Variants in SH3GL2 observed in about 807,000 individuals in gnomAD.
SH3GL2 encodes endophilin-A1.
Under a neutral mutation model 46.0 loss-of-function variants are expected in SH3GL2, and 24 were observed. The ratio of observed to expected loss-of-function variants is 0.52; its 90% CI spans 0.38 to 0.73. The LOEUF (loss-of-function observed/expected upper bound fraction) is 0.73, where lower values mean the gene tolerates loss of function less well. Among genes scored for constraint, SH3GL2 ranks in the 30% least tolerant of loss-of-function variants. SH3GL2 has a pLI of 0.00. For synonymous variants in SH3GL2, 196 were observed against 147.1 expected, an observed-to-expected ratio of 1.33 and a Z score of -2.40; for missense variants, 413 against 424.2, an observed-to-expected ratio of 0.97 and a Z score of 0.23.
intron 3 of SH3GL2, among the ~76,000 whole-genome samples, chr9:17,786,034 C>G (rs111811013): frequency 0.013 from 2,044 of 152,184 alleles, 53 homozygotes; most frequent in African/African-American, 0.047. Context: ...TTGTAAAAAG[C>G]TCTCCATGGA....
rs539816537 is a variant in SH3GL2, at chr9:17,763,922, A to G, written c.187+2413A>G. On this transcript the variant is annotated intron_variant, in intron 3 of 8. Coordinates refer to ENST00000380607, the MANE Select transcript of SH3GL2 (RefSeq NM_003026.5). ...GGTGTGAAGGGTCCTTCCCTTTCAG[A>G]GAGTACCAGAGAAATTCAGAAAGGA... Among the ~76,000 whole-genome samples, 4 of 151,794 alleles carry G rather than the reference A, an allele frequency of 2.6e-5. No individual in the cohort carries two copies. The South Asian group carries it at 8.3e-4, about 31-fold the overall frequency.
chr9:17,780,339 T>C (rs1823766563), intron 3 of SH3GL2, among the ~76,000 whole-genome samples: 1 of 152,156 alleles, frequency 6.6e-6, no homozygotes, highest in Admixed American at 6.5e-5. Context: ...ATCTTTCTAT[T>C]TGTCCTACTT....
chr9:17,693,753 G>T (rs1252668181), intron 1 of SH3GL2, among the ~76,000 whole-genome samples: 1 of 152,180 alleles, frequency 6.6e-6, no homozygotes, highest in African/African-American at 2.4e-5. Context: ...AATCAAGCGA[G>T]CAGTGAACGA....
intron 1 of SH3GL2, among the ~76,000 whole-genome samples, chr9:17,607,900 A>G (rs965064695): frequency 2.0e-5 from 3 of 152,184 alleles, no homozygotes; most frequent in Admixed American, 6.5e-5. Flanking sequence ...AATACTGTTC[A>G]TGTCATGATT....
At chr9:17,678,946 G>A (rs1348384512) in intron 1 of SH3GL2, among the ~76,000 whole-genome samples, 1 of 152,082 alleles carries the variant, frequency 6.6e-6, no homozygotes, top group African/African-American at 2.4e-5. Flanking sequence ...TGTTGTAGAT[G>A]TGTGATATTA....
chr9:17,755,534 T>G (rs1348913641), intron 2 of SH3GL2, among the ~76,000 whole-genome samples: 1 of 152,200 alleles, frequency 6.6e-6, no homozygotes, highest in Non-Finnish European at 1.5e-5. Context: ...ACTCCTGGCC[T>G]TAAGCAATCC....
rs374209702 is a variant in SH3GL2 at position 17,703,803 on chromosome 9, T to A, written c.46-43263T>A. 2.6e-4 allele frequency among the ~76,000 whole-genome samples: 39 copies of A among 152,068 alleles called. No individual in the cohort carries two copies. In the East Asian group the frequency reaches 4.8e-3, roughly 19 times the overall value. On this transcript the variant is annotated intron_variant, in intron 1 of 8. Coordinates refer to ENST00000380607, the MANE Select transcript of SH3GL2 (RefSeq NM_003026.5). ...AAACTAGACATCAAAGGAATATACC[T>A]CAAAATAATAAGAGCCATTTATGAC... is the stretch of plus-strand genomic sequence containing the variant.
At chr9:17,666,626 C>T (rs2117928166) in intron 1 of SH3GL2, among the ~76,000 whole-genome samples, 1 of 151,450 alleles carries the variant, frequency 6.6e-6, no homozygotes, top group East Asian at 1.9e-4. Context: ...GAAGCATTCT[C>T]ATTCATCCTA....
intron 2 of SH3GL2, among the ~76,000 whole-genome samples, chr9:17,752,747 G>T (rs547579314): frequency 6.6e-6 from 1 of 152,128 alleles, no homozygotes; most frequent in African/African-American, 2.4e-5. Context: ...ACACGTGCAC[G>T]TTTGTTACAT....
At chr9:17,723,062 T>C (rs1418809829) in intron 1 of SH3GL2, among the ~76,000 whole-genome samples, 1 of 152,128 alleles carries the variant, frequency 6.6e-6, no homozygotes, top group Non-Finnish European at 1.5e-5. Context: ...TTGTTTTCTG[T>C]GACAGAAAAC....
rs372743977 is a variant in SH3GL2 at position 17,791,337 on chromosome 9, A to G, written c.728+3A>G. On this transcript the variant is annotated splice_donor_region_variant and intron_variant, in intron 7 of 8. Transcript: ENST00000380607. Reference sequence around the variant, plus strand: ...GTCACGGTCAGACTGGAAGAAAGGTATTCTACAGTTCCCTGCATTTCACAT... The same window carrying G: ...GTCACGGTCAGACTGGAAGAAAGGTGTTCTACAGTTCCCTGCATTTCACAT... 5.7e-6 allele frequency: 9 copies of G among 1,568,414 alleles called. No individual in the cohort carries two copies. The highest frequency in any genetic ancestry group is 7.0e-6 in the Non-Finnish European group (8 of 1,138,474).
At chr9:17,735,974 G>A (rs968647363) in intron 1 of SH3GL2, among the ~76,000 whole-genome samples, 5 of 152,066 alleles carry the variant, frequency 3.3e-5, no homozygotes, top group Admixed American at 6.6e-5. Flanking sequence ...TGTGATAGGG[G>A]AGACTCCACA....
In SH3GL2 at chr9:17,613,363, C is replaced by A. The variant is rs139655448; in HGVS notation, c.45+34076C>A. ...CATGCTCTGCTGAAAACTATGCGTGCCTTTATAAAATATGGAGCTGATGTT... is the reference window on the plus strand; with the variant it reads ...CATGCTCTGCTGAAAACTATGCGTGACTTTATAAAATATGGAGCTGATGTT... On this transcript the variant is annotated intron_variant, in intron 1 of 8. Coordinates refer to ENST00000380607, the MANE Select transcript of SH3GL2 (RefSeq NM_003026.5). Among the ~76,000 whole-genome samples the A allele has an allele frequency of 4.2e-3, 644 of 152,166 alleles. 7 individuals carry two copies. Among genetic ancestry groups the A allele is most frequent in the African/African-American group, 0.015 (618 of 41,514 alleles).
Position 17,614,298 on chromosome 9 carries a change from A to G in SH3GL2, c.45+35011A>G, listed in dbSNP as rs866466053. On this transcript the variant is annotated intron_variant, in intron 1 of 8. Coordinates refer to ENST00000380607, the MANE Select transcript of SH3GL2 (RefSeq NM_003026.5). ...ACAGGGAACATGCATGGTTTCTGAA[A>G]AAAAAAAAAAAAAAAAAAAAAAAAA... is the stretch of plus-strand genomic sequence containing the variant. Among the ~76,000 whole-genome samples the G allele has an allele frequency of 9.1e-3, 1,247 of 137,758 alleles. 24 individuals carry two copies. The highest frequency in any genetic ancestry group is 0.023 in the South Asian group (102 of 4,410). The allele number at this position is 137,758 out of a possible 152,430, so 90.4% of individuals were successfully genotyped here.
At chr9:17,761,103 A>G (rs1823156249) in intron 2 of SH3GL2, among the ~76,000 whole-genome samples, 1 of 152,334 alleles carries the variant, frequency 6.6e-6, no homozygotes, top group African/African-American at 2.4e-5. Flanking sequence ...TCCATGCCTG[A>G]CCCACTGTAG....
intron 1 of SH3GL2, among the ~76,000 whole-genome samples, chr9:17,740,111 T>A (rs1427768813): frequency 6.6e-6 from 1 of 152,148 alleles, no homozygotes; most frequent in East Asian, 1.9e-4. Flanking sequence ...AACTTTCCAA[T>A]TTTCTTAAAT....
intron 1 of SH3GL2, among the ~76,000 whole-genome samples, chr9:17,712,753 T>A (rs1020285283): frequency 2.0e-5 from 3 of 151,804 alleles, no homozygotes; most frequent in Non-Finnish European, 2.9e-5. Context: ...GTTTTGTCCA[T>A]CTATGTCCTT....
intron 1 of SH3GL2, among the ~76,000 whole-genome samples, chr9:17,685,903 C>T (rs1346088184): frequency 6.6e-6 from 1 of 151,822 alleles, no homozygotes; most frequent in African/African-American, 2.4e-5. Context: ...ATGTCTAAAA[C>T]ACCAAAAGCA....
At chr9:17,616,499 A>AT (rs1819002688) in intron 1 of SH3GL2, among the ~76,000 whole-genome samples, 1 of 152,076 alleles carries the variant, frequency 6.6e-6, no homozygotes. Flanking sequence ...GTGGGGTAGT[A>AT]TTTTTATTTT....
Sources: allele counts gnomAD v4.1 joint callset (sites outside exome capture counted in the v4.1 genomes callset), GRCh38; gene constraint gnomAD v4.1.1; transcripts MANE v1.5; gene names NCBI Gene and HGNC (gene_info 2026-07-23, HGNC 2026-07-21).